ACP2: variants seen among roughly 807,000 people sequenced by gnomAD.
ACP2 encodes acid phosphatase 2, lysosomal, also known as lysosomal acid phosphatase.
In ACP2, 35 loss-of-function variants were observed where a neutral mutation model predicts 54.7. The observed-to-expected ratio is 0.64, with a 90% CI of 0.49 to 0.85. The LOEUF (loss-of-function observed/expected upper bound fraction) is 0.85, where lower values mean the gene tolerates loss of function less well. Ranked by LOEUF, ACP2 falls within the 40% of genes least tolerant of loss-of-function variation. The pLI, the probability that ACP2 is intolerant of heterozygous loss-of-function variation, is 0.00. For synonymous variants in ACP2, 210 were observed against 224.4 expected (o/e 0.94, Z 0.57); for missense variants, 492 against 565.0 (o/e 0.87, Z 1.31).
chr11:47,247,896 C>T, intron 2 of ACP2, 142 bp downstream of exon 2: 2 of 925,098 alleles, frequency 2.2e-6, no homozygotes, highest in Non-Finnish European at 3.3e-6. Context: ...ATCATGGGCA[C>T]AGAGATTAAG....
chr11:47,243,442 T>C, intron 7 of ACP2, 121 bp from the exon 8 acceptor site: 1 of 750,850 alleles, frequency 1.3e-6, no homozygotes, highest in Non-Finnish European at 2.2e-6. Flanking sequence ...GGAGAACTCT[T>C]TAGTGTCATA....
At chr11:47,248,221 G>C in intron 1 of ACP2, 88 bp from the exon 2 acceptor site, 2 of 1,332,380 alleles carry the variant, frequency 1.5e-6, no homozygotes, top group South Asian at 1.4e-5. Context: ...GTTAGGGAAG[G>C]AAGTCTCATT....
chr11:47,242,983 GC>G (rs777139896), intron 9 of ACP2, 34 bp downstream of exon 9: 2 of 1,613,068 alleles, frequency 1.2e-6, no homozygotes, highest in South Asian at 1.1e-5. Flanking sequence ...CCTCCCGAGG[GC>G]CCCCCTCCAG....
At chr11:47,243,627 T>C (rs1188169373) in intron 7 of ACP2, among the ~76,000 whole-genome samples, 1 of 152,180 alleles carries the variant, frequency 6.6e-6, no homozygotes, top group Non-Finnish European at 1.5e-5. Context: ...TGCTTCAGAG[T>C]ACACAGCGGG....
chr11:47,242,922 T>C (rs1411705680), intron 9 of ACP2, 24 bp from the exon 10 acceptor site: 3 of 1,609,004 alleles, frequency 1.9e-6, no homozygotes, highest in Admixed American at 1.7e-5. Context: ...GGAGGCAACA[T>C]GGGAGCTGCT....
chr11:47,243,334 A>G lies in ACP2; in HGVS notation c.773-13T>C. ...GCCAGCAGGACTCCTGAAGGAGAAA[A>G]GTCCCCGGTGTTGCTGGCTACAGCC... On this transcript the variant is annotated splice_polypyrimidine_tract_variant and intron_variant, in intron 7 of 10. Transcript: ENST00000672073. 1 of 1,613,362 alleles carries G rather than the reference A, an allele frequency of 6.2e-7. No individual in the cohort carries two copies. Among genetic ancestry groups the G allele is most frequent in the South Asian group, 1.1e-5 (1 of 91,062 alleles).
intron 7 of ACP2, 40 bp from the exon 8 acceptor site, chr11:47,243,361 C>G (rs1192904131): frequency 6.4e-7 from 1 of 1,564,278 alleles, no homozygotes; most frequent in South Asian, 1.1e-5. Flanking sequence ...GCTACAGCCA[C>G]CTCTGCCTTC....
intron 4 of ACP2, 35 bp downstream of exon 4, chr11:47,245,647 C>T: frequency 6.2e-7 from 1 of 1,613,604 alleles, no homozygotes; most frequent in Non-Finnish European, 8.5e-7. Flanking sequence ...AGAGCTGTCC[C>T]CTCACCACCC....
At position 47,245,285 on chromosome 11, in the gene ACP2, G is replaced by A; in HGVS notation, c.639+20C>T. 1 of 1,610,520 alleles carries A rather than the reference G, an allele frequency of 6.2e-7. No individual in the cohort carries two copies. The highest frequency in any genetic ancestry group is 1.1e-5 in the South Asian group (1 of 91,020). ...TGAGAGGGAAAAGAATGATCACAGTGGGCACCCTAGTGGGCTCACCTCACA... is the reference window on the plus strand; with the variant it reads ...TGAGAGGGAAAAGAATGATCACAGTAGGCACCCTAGTGGGCTCACCTCACA... On this transcript the variant is annotated intron_variant, in intron 6 of 10. Coordinates refer to ENST00000672073, the MANE Select transcript of ACP2 (RefSeq NM_001610.4).
At chr11:47,247,520 A>G (rs771275960) in intron 3 of ACP2, 121 bp downstream of exon 3, 9 of 1,121,602 alleles carry the variant, frequency 8.0e-6, no homozygotes. Flanking sequence ...CTTTTCCTGT[A>G]GTTGTGACCA....
intron 6 of ACP2, 122 bp from the exon 7 acceptor site, chr11:47,244,989 G>T (rs2242262): frequency 0.19 from 280,760 of 1,455,884 alleles, 35,393 homozygotes; most frequent in East Asian, 0.65. Flanking sequence ...GAGAGGCAGA[G>T]GGGCTGGAAC....
chr11:47,241,784 C>A (rs1471247740), intron 10 of ACP2, among the ~76,000 whole-genome samples: 1 of 152,100 alleles, frequency 6.6e-6, no homozygotes, highest in Non-Finnish European at 1.5e-5. Flanking sequence ...AACAAGGAAG[C>A]CTGGAAGAAG....
chr11:47,242,881 A>G lies in ACP2; in HGVS notation c.980T>C (p.Met327Thr), dbSNP rs1325580369. Residue 327 changes from methionine to threonine, a missense_variant, in exon 10 of 11, where the codon ATG becomes ACG. By Grantham distance (81) the Met-to-Thr change is moderately conservative (BLOSUM62 -1). Coordinates refer to ENST00000672073, the MANE Select transcript of ACP2 (RefSeq NM_001610.4). ...QEDSGNFSVE[M>T]YFRNESDKAP... ...CTTGTCACTCTCGTTCCGAAAGTAC[A>G]TCTCCACTGAGAAATTCCTGAGGGT... 2 of 1,612,996 alleles carry G rather than the reference A, an allele frequency of 1.2e-6. No individual in the cohort carries two copies. Among genetic ancestry groups the G allele is most frequent in the Non-Finnish European group, 1.7e-6 (2 of 1,179,066 alleles).
chr11:47,248,756 C>A lies in ACP2; in HGVS notation c.34G>T (p.Ala12Ser), dbSNP rs773418071. The change falls in exon 1 of 11, where the codon GCT (alanine) becomes TCT (serine). Residue 12 changes from alanine (A) to serine (S), a missense_variant. Coordinates refer to ENST00000672073, the MANE Select transcript of ACP2 (RefSeq NM_001610.4). Reference sequence around the variant, plus strand: ...ACGCCGAGAAGGAGCTGGAGGAGAGCCGCCCGGCTCCAGCCGGACCGCTTG... The same window carrying A: ...ACGCCGAGAAGGAGCTGGAGGAGAGACGCCCGGCTCCAGCCGGACCGCTTG... ...AGKRSGWSRAALLQLLLGVNL... is the reference protein window; with the variant it reads ...AGKRSGWSRASLLQLLLGVNL... 6.2e-7 allele frequency: 1 copy of A among 1,604,060 alleles called. No homozygotes were observed. The highest frequency in any genetic ancestry group is 1.7e-5 in the Admixed American group (1 of 58,572).
intron 3 of ACP2, among the ~76,000 whole-genome samples, chr11:47,246,913 T>C (rs1954134170): frequency 6.6e-6 from 1 of 152,046 alleles, no homozygotes; most frequent in Non-Finnish European, 1.5e-5. Flanking sequence ...TATTCAGAGA[T>C]AGTGGCTCAT....
chr11:47,248,251 G>T, intron 1 of ACP2, 118 bp from the exon 2 acceptor site: 1 of 1,134,880 alleles, frequency 8.8e-7, no homozygotes, highest in South Asian at 1.6e-5. Context: ...AAGCCTACTG[G>T]CTGCAAAAGA....
intron 3 of ACP2, among the ~76,000 whole-genome samples, chr11:47,246,312 A>T (rs1954077338): frequency 6.6e-6 from 1 of 152,224 alleles, no homozygotes; most frequent in South Asian, 2.1e-4. Context: ...CTGGTGGCTC[A>T]CACCTATAAT....
Position 47,240,249 on chromosome 11 carries a change from T to G in ACP2, c.1139A>C (p.Glu380Ala). 1 of 1,450,808 alleles carries G rather than the reference T, an allele frequency of 6.9e-7. No homozygotes were observed. The highest frequency in any genetic ancestry group is 9.7e-7 in the Non-Finnish European group (1 of 1,031,088). The allele number at this position is 1,450,808 out of a possible 1,614,324, so 89.9% of individuals were successfully genotyped here. ...CQLASGPADT[E>A]VIVALAVCGS... ...ACATACAGCCAAGGCCACAATCACC[T>G]CTGGGCATGGGGGAGGCAAGAGAAA... The change falls in exon 11 of 11, where the codon GAG becomes GCG. Residue 380 changes from glutamate (E) to alanine (A), a missense_variant and splice_region_variant. By Grantham distance (107) the Glu-to-Ala change is moderately radical. Coordinates refer to ENST00000672073, the MANE Select transcript of ACP2 (RefSeq NM_001610.4).
intron 2 of ACP2, 55 bp downstream of exon 2, chr11:47,247,983 C>A: frequency 6.8e-7 from 1 of 1,465,868 alleles, no homozygotes; most frequent in Admixed American, 2.1e-5. Context: ...GTAGACTGCT[C>A]TAGACGTCGC....
Sources: gnomAD v4.1 joint callset for allele counts (sites outside exome capture counted in the v4.1 genomes callset) on GRCh38, gnomAD v4.1.1 for gene constraint, MANE v1.5 for transcripts, NCBI Gene and HGNC (gene_info 2026-07-23, HGNC 2026-07-21) for gene names.